HMGA2: variants seen among roughly 807,000 people sequenced by gnomAD.
HMGA2 encodes high mobility group AT-hook 2, also known as high mobility group protein HMGI-C.
A neutral mutation model predicts 19.1 loss-of-function variants in HMGA2; 8 were observed. That is an observed-to-expected ratio of 0.42 (90% CI 0.25 to 0.76). HMGA2 has a LOEUF of 0.76. Among genes scored for constraint, HMGA2 ranks in the 30% least tolerant of loss-of-function variants. The pLI, the probability that HMGA2 is intolerant of heterozygous loss-of-function variation, is 0.28. For synonymous variants in HMGA2, 60 were observed against 48.8 expected, an observed-to-expected ratio of 1.23 and a Z score of -0.96; for missense variants, 109 against 136.3, an observed-to-expected ratio of 0.80 and a Z score of 1.00.
Position 65,964,099 on chromosome 12 carries a change from A to T in HMGA2, c.*807A>T, listed in dbSNP as rs191471976. The T allele has an allele frequency of 4.9e-6, 1 of 204,398 alleles. No homozygotes were observed. Among genetic ancestry groups the T allele is most frequent in the African/African-American group, 2.3e-5 (1 of 43,890 alleles). The allele number at this position is 204,398 out of a possible 1,614,324, so 12.7% of individuals were successfully genotyped here. A position where few individuals can be genotyped will look rare whatever the true frequency, so the allele number is the denominator to read the frequency against. On this transcript the variant is annotated 3_prime_UTR_variant, in exon 5 of 5. Coordinates refer to ENST00000403681, the MANE Select transcript of HMGA2 (RefSeq NM_003483.6). ...GAAATCTACTTCCTACAGAGCCAAA[A>T]TGCCATTTAGCAATAAATAACACTT...
chr12:65,875,589 ATTTTTTTTTTTTTTTTTTTTTTTTTT>A (rs71096056), intron 3 of HMGA2, among the ~76,000 whole-genome samples: 3 of 26,098 alleles, frequency 1.1e-4, no homozygotes, highest in Admixed American at 6.8e-4. Context: ...GTGCCCGGCT[ATTTTTTTTTTTTTTTTTTTTTTTTTT>A]TTTTTTTTTT....
At chr12:65,909,114 A>G (rs533611847) in intron 3 of HMGA2, among the ~76,000 whole-genome samples, 4 of 152,314 alleles carry the variant, frequency 2.6e-5, no homozygotes, top group African/African-American at 7.2e-5. Context: ...ATTATGCTCA[A>G]TAATCACACA....
At chr12:65,954,400 C>T (rs554134481) in intron 4 of HMGA2, 1 of 152,278 alleles carries the variant, frequency 6.6e-6, no homozygotes, top group South Asian at 2.1e-4. Context: ...ACTGTTAGGG[C>T]TAAAGCATTC....
intron 3 of HMGA2, among the ~76,000 whole-genome samples, chr12:65,928,829 A>G (rs1875607835): frequency 6.6e-6 from 1 of 152,232 alleles, no homozygotes; most frequent in African/African-American, 2.4e-5. Context: ...TATGCAGTTC[A>G]TTGTTGAGTG....
At chr12:65,962,628 G>T (rs377679130) in intron 4 of HMGA2, among the ~76,000 whole-genome samples, 27 of 152,190 alleles carry the variant, frequency 1.8e-4, no homozygotes, top group African/African-American at 6.0e-4. Flanking sequence ...GTGGTGTAGG[G>T]GTCACACACA....
intron 3 of HMGA2, among the ~76,000 whole-genome samples, chr12:65,934,159 TCA>T (rs1347102355): frequency 6.6e-6 from 1 of 152,224 alleles, no homozygotes; most frequent in African/African-American, 2.4e-5. Context: ...GTGCTTTAAT[TCA>T]GATTTAAATG....
intron 3 of HMGA2, among the ~76,000 whole-genome samples, chr12:65,838,865 A>G (rs972626150): frequency 2.6e-5 from 4 of 152,108 alleles, no homozygotes; most frequent in African/African-American, 4.8e-5. Flanking sequence ...TGTTCAGTAG[A>G]TTGAGTAACT....
At chr12:65,831,084 C>T (rs958465789) in intron 2 of HMGA2, 18 of 151,788 alleles carry the variant, frequency 1.2e-4, no homozygotes, top group Non-Finnish European at 4.4e-5. Flanking sequence ...TGTGTGTATA[C>T]GTCTGTGTGA....
chr12:65,947,785 T>C (rs749194453), intron 3 of HMGA2, among the ~76,000 whole-genome samples: 14 of 152,140 alleles, frequency 9.2e-5, no homozygotes, highest in Admixed American at 2.6e-4. Context: ...ACTCAGCCCC[T>C]CCACAACTGA....
At chr12:65,898,393 A>G (rs1475678037) in intron 3 of HMGA2, among the ~76,000 whole-genome samples, 2 of 152,092 alleles carry the variant, frequency 1.3e-5, no homozygotes, top group Non-Finnish European at 2.9e-5. Flanking sequence ...TCTTTCAGAG[A>G]CTTTTGCAAC....
intron 3 of HMGA2, among the ~76,000 whole-genome samples, chr12:65,871,636 A>G (rs778092673): frequency 4.6e-5 from 7 of 152,106 alleles, no homozygotes. Flanking sequence ...TCCCCTTCCT[A>G]TGGGGATTCT....
intron 3 of HMGA2, 100 bp downstream of exon 3, chr12:65,838,669 C>T (rs1028402464): frequency 1.2e-6 from 1 of 851,032 alleles, no homozygotes; most frequent in Non-Finnish European, 1.9e-6. Context: ...GAATTTCCAA[C>T]TTCTGGTTTG....
chr12:65,860,068 G>A (rs1435188841), intron 3 of HMGA2: 2 of 451,190 alleles, frequency 4.4e-6, no homozygotes, highest in African/African-American at 2.0e-5. Context: ...CTCCAGCCTG[G>A]GCAACAGAGC....
intron 3 of HMGA2, chr12:65,914,993 G>A: frequency 6.2e-7 from 1 of 1,604,740 alleles, no homozygotes; most frequent in South Asian, 1.1e-5. Context: ...GTCTATTAGT[G>A]TTCCATCACT....
chr12:65,873,945 T>C (rs1326208917), intron 3 of HMGA2: 1 of 152,244 alleles, frequency 6.6e-6, no homozygotes, highest in African/African-American at 2.4e-5. Flanking sequence ...ATAGGGCAGT[T>C]TGAGGTATGC....
intron 3 of HMGA2, among the ~76,000 whole-genome samples, chr12:65,924,022 A>G (rs1482182258): frequency 6.6e-6 from 1 of 152,050 alleles, no homozygotes; most frequent in Non-Finnish European, 1.5e-5. Context: ...AAAAAACAAA[A>G]CAAAACAAAA....
intron 3 of HMGA2, among the ~76,000 whole-genome samples, chr12:65,883,049 C>T (rs1264353973): frequency 1.3e-5 from 2 of 152,206 alleles, no homozygotes; most frequent in African/African-American, 2.4e-5. Flanking sequence ...TTTAGATTTC[C>T]TGACTCTTTG....
At chr12:65,831,089 G>A (rs1294450725) in intron 2 of HMGA2, 2 of 151,902 alleles carry the variant, frequency 1.3e-5, no homozygotes, top group South Asian at 2.1e-4. Context: ...GTATACGTCT[G>A]TGTGAGCATA....
intron 2 of HMGA2, among the ~76,000 whole-genome samples, chr12:65,832,033 C>G (rs1870502756): frequency 6.6e-6 from 1 of 151,618 alleles, no homozygotes; most frequent in Non-Finnish European, 1.5e-5. Flanking sequence ...GATTCAGGGC[C>G]CTATCTGAGG....
Sources: allele counts gnomAD v4.1 joint callset (sites outside exome capture counted in the v4.1 genomes callset), GRCh38; gene constraint gnomAD v4.1.1; transcripts MANE v1.5; gene names NCBI Gene and HGNC (gene_info 2026-07-23, HGNC 2026-07-21).